PITPNM2: variants seen among roughly 807,000 people sequenced by gnomAD.
The protein encoded by PITPNM2 is membrane-associated phosphatidylinositol transfer protein 2.
Under a neutral mutation model 132.2 loss-of-function variants are expected in PITPNM2, and 35 were observed. That is an observed-to-expected ratio of 0.26 (90% CI 0.20 to 0.35). PITPNM2 has a LOEUF of 0.35. PITPNM2 is among the 10% of genes least tolerant of loss of function. The pLI, the probability that PITPNM2 is intolerant of heterozygous loss-of-function variation, is 1.00. For synonymous variants in PITPNM2, 738 were observed against 799.2 expected (o/e 0.92, Z 1.29); for missense variants, 1,332 against 1,912.0 (o/e 0.70, Z 5.66).
At chr12:123,136,452 G>A (rs951252912) in intron 1 of PITPNM2, among the ~76,000 whole-genome samples, 8 of 151,932 alleles carry the variant, frequency 5.3e-5, no homozygotes, top group African/African-American at 4.8e-5. Context: ...TCAACCCCTC[G>A]GCCTCAGCTT....
chr12:123,075,693 C>CCCCT (rs2041763816), intron 2 of PITPNM2: 1 of 152,262 alleles, frequency 6.6e-6, no homozygotes, highest in African/African-American at 2.4e-5. Context: ...GCTCTCACGC[C>CCCCT]CCCTGCGGCT....
At chr12:123,125,383 TAC>T (rs2043115962) in intron 1 of PITPNM2, among the ~76,000 whole-genome samples, 1 of 152,132 alleles carries the variant, frequency 6.6e-6, no homozygotes, top group South Asian at 2.1e-4. Flanking sequence ...GATATCTGGA[TAC>T]AAAAAGCAGA....
Position 122,992,618 on chromosome 12 carries a change from G to T in PITPNM2, c.2285C>A (p.Ala762Glu). The T allele has an allele frequency of 6.2e-7, 1 of 1,607,414 alleles. No individual in the cohort carries two copies. The highest frequency in any genetic ancestry group is 8.5e-7 in the Non-Finnish European group (1 of 1,177,216). ...CTCCAGGCGTGAAGCTGACGGGTCC[G>T]CGGGGTGGAAGAGGTTGTAGACTTG... ...CQQVYNLFHP[A>E]DPSASRLEPL... The change falls in exon 16 of 26, where the codon GCG (alanine) becomes GAG (glutamate). Residue 762 changes from alanine (A) to glutamate (E), a missense_variant. Physicochemically the swap from Ala to Glu is moderately radical, Grantham distance 107. Around this residue, in one of 6 missense-constraint regions of PITPNM2, gnomAD observed 710 missense variants for 911.5 expected, o/e 0.78. Transcript: ENST00000320201. This position sits in a 1 kb window ranked among gnomAD's most constrained non-coding sequence, Gnocchi z 6.5.
chr12:123,026,199 C>A (rs2039857354), intron 3 of PITPNM2, among the ~76,000 whole-genome samples: 1 of 152,248 alleles, frequency 6.6e-6, no homozygotes, highest in Admixed American at 6.5e-5. Context: ...ACAGGACTAC[C>A]TATCTGTCCA....
chr12:122,990,444 C>G (rs1321937657), intron 17 of PITPNM2, 101 bp downstream of exon 17: 3 of 1,500,548 alleles, frequency 2.0e-6, no homozygotes, highest in Non-Finnish European at 2.7e-6. Flanking sequence ...CCCTCCCTAG[C>G]TTCATCAGCT....
At chr12:123,050,943 G>A (rs909213087) in intron 2 of PITPNM2, among the ~76,000 whole-genome samples, 1 of 152,190 alleles carries the variant, frequency 6.6e-6, no homozygotes, top group African/African-American at 2.4e-5. Flanking sequence ...GGGCAGAAAA[G>A]GCATCAGAGA....
intron 2 of PITPNM2, among the ~76,000 whole-genome samples, chr12:123,093,472 A>ACACACACACACGCG (rs1367584543): frequency 6.7e-6 from 1 of 149,960 alleles, no homozygotes; most frequent in East Asian, 1.9e-4. Context: ...ACACACACGC[A>ACACACACACACGCG]CACACACACA....
intron 2 of PITPNM2, among the ~76,000 whole-genome samples, chr12:123,102,072 A>G (rs1226902548): frequency 6.6e-6 from 1 of 152,206 alleles, no homozygotes; most frequent in African/African-American, 2.4e-5. Context: ...CAACCTAGAC[A>G]CAGCACTCAA....
At chr12:123,032,526 G>A (rs1458838871) in intron 3 of PITPNM2, among the ~76,000 whole-genome samples, 2 of 152,062 alleles carry the variant, frequency 1.3e-5, no homozygotes, top group Admixed American at 1.3e-4. Flanking sequence ...AGTGACAGGT[G>A]TTTTGAGGAG....
chr12:122,985,945 C>A lies in PITPNM2; in HGVS notation c.*82G>T. 1.6e-6 allele frequency: 2 copies of A among 1,249,906 alleles called. No individual in the cohort carries two copies. Among genetic ancestry groups the A allele is most frequent in the Non-Finnish European group, 2.1e-6 (2 of 968,460 alleles). 77.4% of individuals were successfully genotyped at this position (1,249,906 alleles called of 1,614,324 possible). ...ACAATCTCCCAGGCCCACGTCAGTG[C>A]GTGTGCCCAGGCCAGGCCTCCTGGC... is the stretch of plus-strand genomic sequence containing the variant. On this transcript the variant is annotated 3_prime_UTR_variant, in exon 26 of 26. Transcript: ENST00000320201.
intron 1 of PITPNM2, among the ~76,000 whole-genome samples, chr12:123,139,016 T>C (rs1355873686): frequency 6.6e-6 from 1 of 152,096 alleles, no homozygotes; most frequent in Non-Finnish European, 1.5e-5. Flanking sequence ...TGCACGCCTG[T>C]AGTCCCAGCT....
At chr12:123,063,168 C>A (rs1479424096) in intron 2 of PITPNM2, among the ~76,000 whole-genome samples, 1 of 152,240 alleles carries the variant, frequency 6.6e-6, no homozygotes, top group Non-Finnish European at 1.5e-5. Context: ...TGTGACTGGG[C>A]AAGCAAGGGT....
chr12:123,016,321 GTCTT>G (rs756486602), intron 3 of PITPNM2, among the ~76,000 whole-genome samples: 2 of 149,644 alleles, frequency 1.3e-5, no homozygotes, highest in Non-Finnish European at 3.0e-5. Context: ...GCAAGATTCT[GTCTT>G]TTTTTTTTTG....
chr12:123,081,961 A>G (rs529627909), intron 2 of PITPNM2: 1 of 152,444 alleles, frequency 6.6e-6, no homozygotes, highest in African/African-American at 2.4e-5. Flanking sequence ...GTAAAGCATC[A>G]TTAACTCCTG....
intron 1 of PITPNM2, among the ~76,000 whole-genome samples, chr12:123,115,378 A>G (rs1320330834): frequency 6.6e-6 from 1 of 152,190 alleles, no homozygotes; most frequent in Admixed American, 6.5e-5. Context: ...CAGGGCCATT[A>G]AAAGACTGTT....
Position 123,111,941 on chromosome 12 carries a change from G to C in PITPNM2, c.-199-1453C>G, listed in dbSNP as rs2042845310. On this transcript the variant is annotated intron_variant, in intron 1 of 25. Coordinates refer to ENST00000320201, the MANE Select transcript of PITPNM2 (RefSeq NM_020845.3). The surrounding 1 kb of genome is among the most constrained non-coding windows in gnomAD (Gnocchi z 4.1). Reference sequence around the variant, plus strand: ...TGAGGAAAGCTGTTGAGAGGGTTGAGGGTTTGCCATGGTAACGCACCCATC... The same window carrying C: ...TGAGGAAAGCTGTTGAGAGGGTTGACGGTTTGCCATGGTAACGCACCCATC... Among the ~76,000 whole-genome samples the C allele has an allele frequency of 2.0e-5, 3 of 152,136 alleles. No individual in the cohort carries two copies. The South Asian group carries it at 6.2e-4, about 32-fold the overall frequency.
chr12:123,011,857 A>T (rs974478706), intron 5 of PITPNM2, among the ~76,000 whole-genome samples: 2 of 152,016 alleles, frequency 1.3e-5, no homozygotes, highest in Non-Finnish European at 2.9e-5. Flanking sequence ...CGAGAGAATA[A>T]CTGTGTGTTG....
chr12:123,121,124 A>G (rs1157853543), intron 1 of PITPNM2, among the ~76,000 whole-genome samples: 3 of 152,036 alleles, frequency 2.0e-5, no homozygotes, highest in Non-Finnish European at 2.9e-5. Context: ...TGACTCCCAA[A>G]CCCCAGTGAG....
Position 123,009,411 on chromosome 12 carries a change from G to A in PITPNM2, c.643+439C>T, listed in dbSNP as rs1228453050. ...CCTGCTCCTGGGAGCTTCCAGCCCA[G>A]TGAGGGAGGCTGAGCTGTGGCCCTG... On this transcript the variant is annotated intron_variant, in intron 6 of 25. Coordinates refer to ENST00000320201, the MANE Select transcript of PITPNM2 (RefSeq NM_020845.3). The surrounding 1 kb of genome is among the most constrained non-coding windows in gnomAD (Gnocchi z 4.8). 6.6e-6 allele frequency among the ~76,000 whole-genome samples: 1 copy of A among 152,216 alleles called. No homozygotes were observed.
Sources: allele counts gnomAD v4.1 joint callset (sites outside exome capture counted in the v4.1 genomes callset), GRCh38; gene constraint gnomAD v4.1.1; regional missense constraint gnomAD v4.1.1; non-coding constraint Gnocchi (gnomAD v3.1); transcripts MANE v1.5; gene names NCBI Gene and HGNC (gene_info 2026-07-23, HGNC 2026-07-21).